Variants in MCTP2 observed in about 807,000 individuals in gnomAD.
MCTP2 encodes multiple C2 and transmembrane domain-containing protein 2.
In MCTP2, 132 loss-of-function variants were observed where a neutral mutation model predicts 111.6. The observed-to-expected ratio is 1.18, with a 90% CI of 1.03 to 1.37. The LOEUF is 1.37. Among genes scored for constraint, MCTP2 ranks in the 40% most tolerant of loss-of-function variants. The pLI, the probability that MCTP2 is intolerant of heterozygous loss-of-function variation, is 0.00. For synonymous variants in MCTP2, 395 were observed against 387.7 expected (o/e 1.02, Z -0.22); for missense variants, 1,183 against 1,067.9 (o/e 1.11, Z -1.50).
Position 94,458,163 on chromosome 15 carries a change from AAG to A in MCTP2, c.2279_2280del (p.Arg760AsnfsTer26). On this transcript the variant is annotated frameshift_variant, in exon 20 of 23. Transcript: ENST00000357742. LOFTEE classifies it high-confidence loss of function. ...AATCTGAGAAAAAGGGGTTGATTGA[AAG>A]AATCTATATGGTACAGGATATTGTT... ...KESEKKGLIERIYMVQDIVST... is the reference protein window; with the variant it reads ...KESEKKGLIEXIYMVQDIVST... 2 of 1,610,900 alleles carry A rather than the reference AAG, an allele frequency of 1.2e-6. No individual in the cohort carries two copies. Among genetic ancestry groups the A allele is most frequent in the Non-Finnish European group, 1.7e-6 (2 of 1,177,248 alleles).
chr15:94,411,709 A>G (rs1596625811), intron 17 of MCTP2, among the ~76,000 whole-genome samples: 1 of 152,016 alleles, frequency 6.6e-6, no homozygotes, highest in South Asian at 2.1e-4. Flanking sequence ...TTTTAGAGGG[A>G]GATTTTTATT....
At chr15:94,325,764 C>T (rs2152382499) in intron 4 of MCTP2, among the ~76,000 whole-genome samples, 1 of 150,870 alleles carries the variant, frequency 6.6e-6, no homozygotes, top group South Asian at 2.1e-4. Flanking sequence ...CGAAGGCACA[C>T]CACTAGGCCT....
At chr15:94,352,203 C>A (rs1033487092) in intron 8 of MCTP2, among the ~76,000 whole-genome samples, 7 of 152,282 alleles carry the variant, frequency 4.6e-5, no homozygotes, top group Non-Finnish European at 8.8e-5. Flanking sequence ...TTTGAATCTG[C>A]TGGGTATAAT....
At chr15:94,256,108 C>G (rs78320405) in intron 1 of MCTP2, among the ~76,000 whole-genome samples, 6,092 of 152,164 alleles carry the variant, frequency 0.04, 221 homozygotes, top group East Asian at 0.12. Flanking sequence ...CTTTTGAGTG[C>G]AGACATAATG....
intron 10 of MCTP2, among the ~76,000 whole-genome samples, chr15:94,363,830 G>C (rs144461392): frequency 3.0e-4 from 46 of 152,220 alleles, no homozygotes; most frequent in African/African-American, 9.9e-4. Flanking sequence ...AAGACATTTA[G>C]TCTCCTTGTG....
intron 1 of MCTP2, 69 bp downstream of exon 1, chr15:94,231,733 G>C (rs1000946385): frequency 3.9e-5 from 6 of 152,848 alleles, no homozygotes; most frequent in African/African-American, 1.4e-4. Context: ...CCTGGGGGTG[G>C]GCGTCTTCTC....
rs150589799 is a variant in MCTP2 at position 94,345,130 on chromosome 15, G to A, written c.971G>A (p.Arg324His). 2.1e-5 allele frequency: 34 copies of A among 1,612,440 alleles called. No individual in the cohort carries two copies. The highest frequency in any genetic ancestry group is 9.4e-5 in the African/African-American group (7 of 74,834). The change falls in exon 8 of 23, where the codon CGT (arginine) becomes CAT (histidine). Residue 324 changes from arginine (R) to histidine (H), a missense_variant and splice_region_variant. Physicochemically the swap from Arg to His is conservative, Grantham distance 29. Coordinates refer to ENST00000357742, the MANE Select transcript of MCTP2 (RefSeq NM_001385001.1). ...CATTCCGCGGACACAAATCTTTAGC[G>A]TTGGTCAAATCGGAAGCGATTAAGT... ...VVKQGDFKRH[R>H]WSNRKRLSAS...
At position 94,479,067 on chromosome 15, in the gene MCTP2, T is replaced by A; in HGVS notation, c.*33T>A. The A allele has an allele frequency of 6.2e-7, 1 of 1,608,180 alleles. No individual in the cohort carries two copies. Among genetic ancestry groups the A allele is most frequent in the Non-Finnish European group, 8.5e-7 (1 of 1,174,844 alleles). On this transcript the variant is annotated 3_prime_UTR_variant, in exon 23 of 23. Transcript: ENST00000357742. ...ACCGACTTTGGACAGCAGCACCCAA[T>A]ATTGTGTTTGGTTGAGTAGACCAAT...
At chr15:94,293,572 C>T (rs770262615) in intron 1 of MCTP2, among the ~76,000 whole-genome samples, 8 of 152,212 alleles carry the variant, frequency 5.3e-5, no homozygotes, top group South Asian at 2.1e-4. Flanking sequence ...CTCCAGGCCA[C>T]GGTCTTCCTA....
At chr15:94,261,609 C>T (rs934497353) in intron 1 of MCTP2, among the ~76,000 whole-genome samples, 7 of 151,942 alleles carry the variant, frequency 4.6e-5, no homozygotes, top group African/African-American at 1.7e-4. Flanking sequence ...GTTTAGTTTC[C>T]CTCACACCAT....
intron 19 of MCTP2, among the ~76,000 whole-genome samples, chr15:94,452,456 A>G (rs537506943): frequency 3.5e-4 from 54 of 152,330 alleles, no homozygotes; most frequent in African/African-American, 1.3e-3. Context: ...TCATTCTTCT[A>G]TAAGGCCTGG....
At chr15:94,322,047 G>T (rs368740150) in intron 4 of MCTP2, among the ~76,000 whole-genome samples, 1 of 152,212 alleles carries the variant, frequency 6.6e-6, no homozygotes, top group South Asian at 2.1e-4. Context: ...AGGAGATGCA[G>T]AGGAGGACAA....
chr15:94,417,256 C>A (rs991118888), intron 17 of MCTP2, among the ~76,000 whole-genome samples: 7 of 152,142 alleles, frequency 4.6e-5, no homozygotes, highest in African/African-American at 1.7e-4. Flanking sequence ...CTGATCCTAA[C>A]ATAGCTAAGA....
intron 1 of MCTP2, among the ~76,000 whole-genome samples, chr15:94,256,212 T>C (rs1393165028): frequency 1.3e-5 from 2 of 152,174 alleles, no homozygotes; most frequent in Non-Finnish European, 2.9e-5. Flanking sequence ...TATTGAAATA[T>C]TGTATAAAAT....
At chr15:94,261,880 T>G (rs2073206212) in intron 1 of MCTP2, among the ~76,000 whole-genome samples, 1 of 152,234 alleles carries the variant, frequency 6.6e-6, no homozygotes, top group Non-Finnish European at 1.5e-5. Context: ...GGATTGAAGA[T>G]CTCACTTAAA....
intron 1 of MCTP2, among the ~76,000 whole-genome samples, chr15:94,263,721 A>G (rs930364906): frequency 6.6e-6 from 1 of 152,230 alleles, no homozygotes; most frequent in Admixed American, 6.5e-5. Flanking sequence ...GAGAGCTGAA[A>G]CAAGAAGGCA....
chr15:94,241,859 AT>A (rs2070985155), intron 1 of MCTP2, among the ~76,000 whole-genome samples: 1 of 151,570 alleles, frequency 6.6e-6, no homozygotes, highest in Non-Finnish European at 1.5e-5. Context: ...TTAAAATGTC[AT>A]TTAAATTATC....
chr15:94,452,854 T>TAATC (rs2084551625), intron 19 of MCTP2, among the ~76,000 whole-genome samples: 1 of 152,240 alleles, frequency 6.6e-6, no homozygotes, highest in South Asian at 2.1e-4. Context: ...CATTTACTGC[T>TAATC]AATCATAAAG....
intron 8 of MCTP2, among the ~76,000 whole-genome samples, chr15:94,352,267 A>G (rs1160793971): frequency 6.6e-6 from 1 of 152,226 alleles, no homozygotes. Context: ...GTCTTGAACG[A>G]GAAGTAAATT....
Sources: allele counts gnomAD v4.1 joint callset (sites outside exome capture counted in the v4.1 genomes callset), GRCh38; gene constraint gnomAD v4.1.1; transcripts MANE v1.5; gene names NCBI Gene and HGNC (gene_info 2026-07-23, HGNC 2026-07-21).